Variants in RBM19 observed in about 807,000 individuals in gnomAD.
RBM19 encodes the protein RNA binding motif protein 19.
Under a neutral mutation model 116.8 loss-of-function variants are expected in RBM19, and 94 were observed. That is an observed-to-expected ratio of 0.80 (90% CI 0.68 to 0.95). RBM19 has a LOEUF of 0.95. Among genes scored for constraint, RBM19 ranks in the 40% least tolerant of loss-of-function variants. The pLI is 0.00. For missense variants in RBM19, 1,161 were observed against 1,220.7 expected (o/e 0.95, Z 0.73); for synonymous variants, 475 against 494.1 (o/e 0.96, Z 0.51).
chr12:113,868,457 T>C (rs1357114829), intron 21 of RBM19, among the ~76,000 whole-genome samples: 1 of 152,234 alleles, frequency 6.6e-6, no homozygotes, highest in East Asian at 1.9e-4. Context: ...AAGATATTGA[T>C]AGATATTCTA....
At chr12:113,889,862 A>C (rs1426610772) in intron 21 of RBM19, among the ~76,000 whole-genome samples, 1 of 151,760 alleles carries the variant, frequency 6.6e-6, no homozygotes, top group Non-Finnish European at 1.5e-5. Context: ...AAATACATGC[A>C]TTCCATTGCA....
intron 22 of RBM19, among the ~76,000 whole-genome samples, chr12:113,846,756 AG>A (rs1877014209): frequency 1.3e-5 from 2 of 152,204 alleles, no homozygotes; most frequent in Non-Finnish European, 2.9e-5. Context: ...GCTGTCACCC[AG>A]GCTAGAGTGC....
intron 6 of RBM19, among the ~76,000 whole-genome samples, chr12:113,956,925 T>C (rs933442120): frequency 9.2e-5 from 14 of 152,206 alleles, no homozygotes; most frequent in Non-Finnish European, 1.8e-4. Flanking sequence ...ACGGCAGGCA[T>C]GGTGCCTAGT....
chr12:113,853,991 G>C (rs1877680512), intron 22 of RBM19, among the ~76,000 whole-genome samples: 2 of 152,128 alleles, frequency 1.3e-5, no homozygotes, highest in South Asian at 4.1e-4. Flanking sequence ...GCATGGTAGG[G>C]AGAAGGGGAG....
At position 113,962,079 on chromosome 12, in the gene RBM19, T is replaced by C. The variant is rs570160200; in HGVS notation, c.219+153A>G. Among the ~76,000 whole-genome samples the C allele has an allele frequency of 5.9e-5, 9 of 152,316 alleles. No homozygotes were observed. The East Asian group carries it at 9.6e-4, about 16-fold the overall frequency. On this transcript the variant is annotated intron_variant, in intron 2 of 23. Coordinates refer to ENST00000261741, the MANE Select transcript of RBM19 (RefSeq NM_016196.4). Reference sequence around the variant, plus strand: ...CTGTTATAATAAGCTCTCAGGTGATTTGTATGCACATGAAAGTGTGTGAAT... The same window carrying C: ...CTGTTATAATAAGCTCTCAGGTGATCTGTATGCACATGAAAGTGTGTGAAT...
chr12:113,865,972 C>G (rs1349153654), intron 21 of RBM19, among the ~76,000 whole-genome samples: 2 of 152,166 alleles, frequency 1.3e-5, no homozygotes, highest in Admixed American at 1.3e-4. Flanking sequence ...GATGCAGACA[C>G]AAATAAGGAG....
intron 1 of RBM19, among the ~76,000 whole-genome samples, chr12:113,962,776 C>CA (rs1259890058): frequency 6.6e-6 from 1 of 152,206 alleles, no homozygotes; most frequent in Non-Finnish European, 1.5e-5. Context: ...AATGAACAGG[C>CA]ATGGTAAGCT....
intron 21 of RBM19, among the ~76,000 whole-genome samples, chr12:113,862,198 A>G (rs907356524): frequency 3.9e-5 from 6 of 152,176 alleles, no homozygotes; most frequent in Admixed American, 1.3e-4. Context: ...TGCAATATGC[A>G]GTCTTTTAAA....
chr12:113,895,479 T>A (rs917713538), intron 21 of RBM19, among the ~76,000 whole-genome samples: 3 of 152,180 alleles, frequency 2.0e-5, no homozygotes, highest in Non-Finnish European at 4.4e-5. Context: ...GAGAGTTACA[T>A]GGGTGAAATA....
Position 113,903,209 on chromosome 12 carries a change from C to A in RBM19, c.2558+11760G>T, listed in dbSNP as rs1208570417. ...GCTCAAGTCCCTTCTGCATTATTTT[C>A]GATCTGTGGTTGGTGGAATCTGTGG... On this transcript the variant is annotated intron_variant, in intron 21 of 23. Coordinates refer to ENST00000261741, the MANE Select transcript of RBM19 (RefSeq NM_016196.4). This position sits in a 1 kb window ranked among gnomAD's most constrained non-coding sequence, Gnocchi z 5.1. Among the ~76,000 whole-genome samples the A allele has an allele frequency of 1.3e-5, 2 of 152,162 alleles. No homozygotes were observed. The highest frequency in any genetic ancestry group is 4.8e-5 in the African/African-American group (2 of 41,446).
chr12:113,951,771 A>C (rs1593642867), intron 8 of RBM19, among the ~76,000 whole-genome samples: 1 of 152,288 alleles, frequency 6.6e-6, no homozygotes, highest in East Asian at 1.9e-4. Flanking sequence ...CAGTGAGGAG[A>C]CCATCCCTCA....
At chr12:113,884,412 T>A (rs1188561048) in intron 21 of RBM19, among the ~76,000 whole-genome samples, 1 of 152,078 alleles carries the variant, frequency 6.6e-6, no homozygotes, top group Non-Finnish European at 1.5e-5. Flanking sequence ...GCAGGACATC[T>A]GGCAATGTCT....
intron 23 of RBM19, among the ~76,000 whole-genome samples, chr12:113,827,233 C>A (rs1193002245): frequency 6.6e-6 from 1 of 152,152 alleles, no homozygotes; most frequent in East Asian, 1.9e-4. Flanking sequence ...TACAGCTGCA[C>A]CCGAAGATAA....
Position 113,825,701 on chromosome 12 carries a change from C to A in RBM19, c.2786-2380G>T, listed in dbSNP as rs921921427. Among the ~76,000 whole-genome samples the A allele has an allele frequency of 6.6e-6, 1 of 151,982 alleles. No individual in the cohort carries two copies. Among genetic ancestry groups the A allele is most frequent in the South Asian group, 2.1e-4 (1 of 4,820 alleles). On this transcript the variant is annotated intron_variant, in intron 23 of 23. Transcript: ENST00000261741. This position sits in a 1 kb window ranked among gnomAD's most constrained non-coding sequence, Gnocchi z 5.7. ...CATCCTGACAACTTGGAGGGACTGGCGAGGGGCGAGTTCTAGCCCCATCCA... is the reference window on the plus strand; with the variant it reads ...CATCCTGACAACTTGGAGGGACTGGAGAGGGGCGAGTTCTAGCCCCATCCA...
chr12:113,955,751 CCT>C (rs371399776), intron 6 of RBM19, among the ~76,000 whole-genome samples: 45 of 152,332 alleles, frequency 3.0e-4, no homozygotes, highest in African/African-American at 1.1e-3. Flanking sequence ...CAAAGCCTGC[CCT>C]GAGTGGATGT....
At chr12:113,938,347 G>A (rs1209927041) in intron 15 of RBM19, among the ~76,000 whole-genome samples, 3 of 152,014 alleles carry the variant, frequency 2.0e-5, no homozygotes, top group East Asian at 3.9e-4. Context: ...AGACTATTAC[G>A]GGGTTAAAGT....
chr12:113,859,660 A>G (rs1198483461), intron 21 of RBM19, among the ~76,000 whole-genome samples: 1 of 152,150 alleles, frequency 6.6e-6, no homozygotes, highest in Non-Finnish European at 1.5e-5. Context: ...TGTAGGACAA[A>G]GGGATAGGGC....
intron 16 of RBM19, among the ~76,000 whole-genome samples, chr12:113,935,576 G>A (rs955731475): frequency 8.5e-5 from 13 of 152,116 alleles, no homozygotes; most frequent in Admixed American, 3.9e-4. Context: ...TCCTCAGATC[G>A]CAAAGGGACT....
rs1352105822 is a variant in RBM19, at chr12:113,960,187, GA to G, written c.220-10del. On this transcript the variant is annotated splice_polypyrimidine_tract_variant and intron_variant, in intron 2 of 23. Transcript: ENST00000261741. ...GACTTGCAGAACTCCACCTGTGTGGGAAAGAGAGTGATTTTCACACCTGCCA... is the reference window on the plus strand; with the variant it reads ...GACTTGCAGAACTCCACCTGTGTGGGAAGAGAGTGATTTTCACACCTGCCA... 6.2e-7 allele frequency: 1 copy of G among 1,612,926 alleles called. No homozygotes were observed. The highest frequency in any genetic ancestry group is 8.5e-7 in the Non-Finnish European group (1 of 1,179,910).
Sources: gnomAD v4.1 joint callset for allele counts (sites outside exome capture counted in the v4.1 genomes callset) on GRCh38, gnomAD v4.1.1 for gene constraint, Gnocchi (gnomAD v3.1) non-coding constraint, MANE v1.5 for transcripts, NCBI Gene and HGNC (gene_info 2026-07-23, HGNC 2026-07-21) for gene names.